The following RALYL variants were observed in gnomAD, a reference collection of about 807,000 sequenced individuals.
The protein encoded by RALYL is RALY RNA binding protein like, also known as RNA-binding Raly-like protein.
Under a neutral mutation model 35.1 loss-of-function variants are expected in RALYL, and 29 were observed. The observed-to-expected ratio is 0.83, with a 90% CI of 0.61 to 1.13. RALYL has a LOEUF of 1.13. RALYL is among the 50% of genes most tolerant of loss of function. RALYL has a pLI of 0.00. For missense variants in RALYL, 359 were observed against 360.4 expected (o/e 1.00, Z 0.03); for synonymous variants, 120 against 127.6 (o/e 0.94, Z 0.40).
intron 4 of RALYL, among the ~76,000 whole-genome samples, chr8:84,812,916 G>T (rs573328723): frequency 1.9e-3 from 296 of 152,286 alleles, no homozygotes; most frequent in Non-Finnish European, 3.2e-3. Flanking sequence ...GCTCTCCCTT[G>T]AATTTTGGCT....
intron 2 of RALYL, among the ~76,000 whole-genome samples, chr8:84,537,868 T>C (rs2059728806): frequency 1.3e-5 from 2 of 152,232 alleles, no homozygotes. Context: ...TCTTCCAATA[T>C]TGTGCATAAT....
intron 4 of RALYL, among the ~76,000 whole-genome samples, chr8:84,840,553 A>T (rs1833031643): frequency 6.6e-6 from 1 of 152,246 alleles, no homozygotes; most frequent in Non-Finnish European, 1.5e-5. Context: ...GCAGGATATT[A>T]TCCAGGAGAA....
chr8:84,383,783 A>G (rs1427276628), intron 1 of RALYL, among the ~76,000 whole-genome samples: 2 of 117,624 alleles, frequency 1.7e-5, no homozygotes, highest in Non-Finnish European at 3.3e-5. Flanking sequence ...CAGTTACATT[A>G]AAAAAAAAAA....
intron 3 of RALYL, among the ~76,000 whole-genome samples, chr8:84,800,484 T>C (rs1032324145): frequency 6.6e-6 from 1 of 152,236 alleles, no homozygotes; most frequent in Non-Finnish European, 1.5e-5. Context: ...CTCCAAATAT[T>C]GACCTTCATT....
At chr8:84,651,188 T>A (rs1318108592) in intron 2 of RALYL, among the ~76,000 whole-genome samples, 1 of 151,822 alleles carries the variant, frequency 6.6e-6, no homozygotes, top group Non-Finnish European at 1.5e-5. Context: ...AACCTGCACA[T>A]TGTGCACATG....
At chr8:84,313,647 A>G (rs908735661) in intron 1 of RALYL, among the ~76,000 whole-genome samples, 3 of 152,216 alleles carry the variant, frequency 2.0e-5, no homozygotes, top group Non-Finnish European at 4.4e-5. Context: ...AAATGCTGCC[A>G]GTCTCTTTGC....
intron 6 of RALYL, among the ~76,000 whole-genome samples, chr8:84,866,574 G>C (rs1018194822): frequency 6.6e-6 from 1 of 152,060 alleles, no homozygotes; most frequent in Non-Finnish European, 1.5e-5. Context: ...CTTGCTTGCT[G>C]TGCCTTAGTT....
rs569925703 is a variant in RALYL at position 84,352,192 on chromosome 8, C to T, written c.-24+167768C>T. 4.7e-5 allele frequency among the ~76,000 whole-genome samples: 7 copies of T among 150,244 alleles called. No homozygotes were observed. The South Asian group carries it at 1.5e-3, about 31-fold the overall frequency. On this transcript the variant is annotated intron_variant, in intron 1 of 8. Coordinates refer to ENST00000521268, the MANE Select transcript of RALYL (RefSeq NM_173848.7). Reference sequence around the variant, plus strand: ...TCCCCTCCAATTTGCTATTTCAGTGCTAGTAATATAAATCCATTGCTAAAT... The same window carrying T: ...TCCCCTCCAATTTGCTATTTCAGTGTTAGTAATATAAATCCATTGCTAAAT...
intron 2 of RALYL, among the ~76,000 whole-genome samples, chr8:84,767,192 T>C (rs976511887): frequency 1.3e-5 from 2 of 152,204 alleles, no homozygotes; most frequent in African/African-American, 4.8e-5. Context: ...CACTTTGGAA[T>C]AGCACCCGTC....
At chr8:84,567,835 G>A (rs1458796836) in intron 2 of RALYL, among the ~76,000 whole-genome samples, 3 of 151,772 alleles carry the variant, frequency 2.0e-5, no homozygotes, top group South Asian at 2.1e-4. Context: ...CAGGTCATAA[G>A]CATTCCCTTT....
chr8:84,282,813 T>G (rs572059571), intron 1 of RALYL, among the ~76,000 whole-genome samples: 32 of 151,276 alleles, frequency 2.1e-4, no homozygotes, highest in Admixed American at 7.3e-4. Flanking sequence ...ATAAAATCAG[T>G]TGAGTATATA....
chr8:84,765,822 A>G (rs1290459641), intron 2 of RALYL, among the ~76,000 whole-genome samples: 1 of 144,960 alleles, frequency 6.9e-6, no homozygotes, highest in Admixed American at 6.8e-5. Context: ...TTAGACTTCT[A>G]TTTAAACCTG....
intron 1 of RALYL, among the ~76,000 whole-genome samples, chr8:84,345,143 G>T (rs1849603037): frequency 6.8e-6 from 1 of 147,776 alleles, no homozygotes. Context: ...TCCCATAATG[G>T]CCATACTATT....
intron 2 of RALYL, among the ~76,000 whole-genome samples, chr8:84,764,460 CT>C (rs1264677292): frequency 2.0e-5 from 3 of 152,046 alleles, no homozygotes; most frequent in Non-Finnish European, 2.9e-5. Context: ...TATATATGTG[CT>C]TTTTTTCACT....
chr8:84,425,410 G>A (rs911622205), intron 1 of RALYL, among the ~76,000 whole-genome samples: 8 of 152,086 alleles, frequency 5.3e-5, no homozygotes, highest in Non-Finnish European at 1.2e-4. Context: ...GCTTCGGCTC[G>A]CGCACGGTGC....
intron 1 of RALYL, among the ~76,000 whole-genome samples, chr8:84,245,117 G>A (rs987492680): frequency 2.6e-5 from 4 of 152,108 alleles, no homozygotes; most frequent in African/African-American, 7.2e-5. Flanking sequence ...GGCTGGAAGT[G>A]AACTTCCTTG....
At chr8:84,691,017 G>T (rs888163558) in intron 2 of RALYL, among the ~76,000 whole-genome samples, 1 of 151,990 alleles carries the variant, frequency 6.6e-6, no homozygotes, top group East Asian at 1.9e-4. Context: ...GATTTTTGAG[G>T]TTAAAAGAAA....
At chr8:84,390,242 G>C (rs1025319653) in intron 1 of RALYL, among the ~76,000 whole-genome samples, 4 of 152,076 alleles carry the variant, frequency 2.6e-5, no homozygotes, top group Non-Finnish European at 5.9e-5. Context: ...GATTCAGTTT[G>C]CCAGTATTTT....
chr8:84,627,188 GTCTTCAAC>G (rs1332055207), intron 2 of RALYL, among the ~76,000 whole-genome samples: 2 of 151,872 alleles, frequency 1.3e-5, no homozygotes, highest in Non-Finnish European at 2.9e-5. Flanking sequence ...GGCTTCTGAA[GTCTTCAAC>G]TTAGCATTCG....
Sources: allele counts gnomAD v4.1 joint callset (sites outside exome capture counted in the v4.1 genomes callset), GRCh38; gene constraint gnomAD v4.1.1; transcripts MANE v1.5; gene names NCBI Gene and HGNC (gene_info 2026-07-23, HGNC 2026-07-21).